ACSBG2: variants seen among roughly 807,000 people sequenced by gnomAD.
ACSBG2 encodes the protein acyl-CoA synthetase bubblegum family member 2.
ACSBG2 carries 62 observed loss-of-function variants against 74.7 expected under a neutral mutation model. The observed-to-expected ratio is 0.83, with a 90% CI of 0.68 to 1.03. The LOEUF (loss-of-function observed/expected upper bound fraction) is 1.03, where lower values mean the gene tolerates loss of function less well. Ranked by LOEUF, ACSBG2 falls within the 50% of genes least tolerant of loss-of-function variation. The pLI is 0.00. For missense variants in ACSBG2, 730 were observed against 817.6 expected, an observed-to-expected ratio of 0.89 and a Z score of 1.31; for synonymous variants, 309 against 294.1, an observed-to-expected ratio of 1.05 and a Z score of -0.52.
chr19:6,185,755 C>A, intron 11 of ACSBG2, 102 bp downstream of exon 11: 1 of 1,210,246 alleles, frequency 8.3e-7, no homozygotes, highest in South Asian at 1.4e-5. Flanking sequence ...AGTTCCTCAC[C>A]TTCCAAGAGG....
At chr19:6,137,053 A>C (rs1261971970) in intron 1 of ACSBG2, among the ~76,000 whole-genome samples, 1 of 152,120 alleles carries the variant, frequency 6.6e-6, no homozygotes, top group East Asian at 1.9e-4. Flanking sequence ...TTAAATCCAG[A>C]GTTCTTTTCA....
intron 7 of ACSBG2, among the ~76,000 whole-genome samples, chr19:6,173,450 C>T (rs2090014230): frequency 6.6e-6 from 1 of 152,124 alleles, no homozygotes; most frequent in African/African-American, 2.4e-5. Context: ...ATGGTGTTGG[C>T]CTGGGTTGCA....
chr19:6,141,504 G>T lies in ACSBG2; in HGVS notation c.-31-9G>T. ...ATCCTGTTAAACTCCCTGCTTTTTT[G>T]CTTTGCAGTGCTGTGGAGCATGGTT... is the stretch of plus-strand genomic sequence containing the variant. On this transcript the variant is annotated splice_polypyrimidine_tract_variant and intron_variant, in intron 1 of 14. Coordinates refer to ENST00000588485, the MANE Select transcript of ACSBG2 (RefSeq NM_030924.5). The T allele has an allele frequency of 7.1e-7, 1 of 1,416,086 alleles. No individual in the cohort carries two copies. Among genetic ancestry groups the T allele is most frequent in the Admixed American group, 1.7e-5 (1 of 57,214 alleles). The allele number at this position is 1,416,086 out of a possible 1,614,324, so 87.7% of individuals were successfully genotyped here. A position where few individuals can be genotyped will look rare whatever the true frequency, so the allele number is the denominator to read the frequency against.
In ACSBG2 at chr19:6,180,673, GA is replaced by G. The variant is rs1282841526; in HGVS notation, c.907-2075del. On this transcript the variant is annotated intron_variant, in intron 8 of 14. Transcript: ENST00000588485. This position sits in a 1 kb window ranked among gnomAD's most constrained non-coding sequence, Gnocchi z 4.3. ...ATTGTTTTCTGAAGTACGTGCACCA[GA>G]AATGTGCGAAGGTTACAGTTTCTCT... Among the ~76,000 whole-genome samples, 1 of 152,156 alleles carries G rather than the reference GA, an allele frequency of 6.6e-6. No homozygotes were observed. The highest frequency in any genetic ancestry group is 2.4e-5 in the African/African-American group (1 of 41,428).
chr19:6,176,835 GTTTA>G (rs1449776378), intron 7 of ACSBG2, among the ~76,000 whole-genome samples: 1 of 152,076 alleles, frequency 6.6e-6, no homozygotes, highest in East Asian at 1.9e-4. Flanking sequence ...TACTTAATTA[GTTTA>G]TTTATTTAGC....
chr19:6,165,732 C>A, intron 6 of ACSBG2, 134 bp from the exon 7 acceptor site: 1 of 1,058,076 alleles, frequency 9.5e-7, no homozygotes, highest in Non-Finnish European at 1.3e-6. Context: ...GTAAGAGGTG[C>A]CAGGACTGGC....
intron 3 of ACSBG2, among the ~76,000 whole-genome samples, chr19:6,150,340 C>CAAAAA (rs780596761): frequency 4.4e-5 from 3 of 68,396 alleles, no homozygotes; most frequent in South Asian, 5.0e-4. Flanking sequence ...GGATATTTAA[C>CAAAAA]AAAAAAAAAA....
chr19:6,151,440 C>A (rs769339045), intron 3 of ACSBG2, among the ~76,000 whole-genome samples: 52 of 151,954 alleles, frequency 3.4e-4, no homozygotes, highest in African/African-American at 1.3e-3. Flanking sequence ...CCCAAGTAGC[C>A]GGGACGACAA....
At position 6,183,178 on chromosome 19, in the gene ACSBG2, C is replaced by A; in HGVS notation, c.1228C>A (p.Leu410Ile). The A allele has an allele frequency of 6.2e-7, 1 of 1,614,242 alleles. No homozygotes were observed. Among genetic ancestry groups the A allele is most frequent in the South Asian group, 1.1e-5 (1 of 91,090 alleles). The change falls in exon 10 of 15, where the codon CTA becomes ATA. Residue 410 changes from leucine to isoleucine, a missense_variant. Transcript: ENST00000588485. Reference sequence around the variant, plus strand: ...CAACCAAGAGACTGCCGAGTTCTTTCTAAGCTTGGACATACCTATAGGCGA... The same window carrying A: ...CAACCAAGAGACTGCCGAGTTCTTTATAAGCTTGGACATACCTATAGGCGA... ...PLNQETAEFF[L>I]SLDIPIGELY... is the part of the protein sequence containing the mutation.
chr19:6,188,557 G>A (rs918565594), intron 13 of ACSBG2, among the ~76,000 whole-genome samples: 1 of 152,194 alleles, frequency 6.6e-6, no homozygotes, highest in East Asian at 1.9e-4. Context: ...AGCCCAGGGA[G>A]GTCAAGGCTG....
At position 6,187,437 on chromosome 19, in the gene ACSBG2, C is replaced by A; in HGVS notation, c.1680+15C>A. On this transcript the variant is annotated intron_variant, in intron 12 of 14. Transcript: ENST00000588485. ...TGACGCTGAAGGTAACATGGGTTTG[C>A]TGTCATTGGGGGAAGTCTCTGCAGC... 1 of 1,613,760 alleles carries A rather than the reference C, an allele frequency of 6.2e-7. No individual in the cohort carries two copies. Among genetic ancestry groups the A allele is most frequent in the Non-Finnish European group, 8.5e-7 (1 of 1,179,794 alleles).
rs2090205262 is a variant in ACSBG2 at position 6,180,141 on chromosome 19, A to C, written c.907-2610A>C. 6.6e-6 allele frequency among the ~76,000 whole-genome samples: 1 copy of C among 151,910 alleles called. No homozygotes were observed. Among genetic ancestry groups the C allele is most frequent in the Non-Finnish European group, 1.5e-5 (1 of 67,990 alleles). Reference sequence around the variant, plus strand: ...CCTCTTATAAGGACCCTGTGATGACATTGGGCCACCCAGATCATCCAGGAT... The same window carrying C: ...CCTCTTATAAGGACCCTGTGATGACCTTGGGCCACCCAGATCATCCAGGAT... On this transcript the variant is annotated intron_variant, in intron 8 of 14. Coordinates refer to ENST00000588485, the MANE Select transcript of ACSBG2 (RefSeq NM_030924.5). The surrounding 1 kb of genome is among the most constrained non-coding windows in gnomAD (Gnocchi z 4.3).
At chr19:6,164,026 AC>A (rs1158931678) in intron 6 of ACSBG2, among the ~76,000 whole-genome samples, 3 of 152,204 alleles carry the variant, frequency 2.0e-5, no homozygotes, top group Admixed American at 6.5e-5. Flanking sequence ...GAGAAAGTGG[AC>A]TGTGACATTT....
intron 14 of ACSBG2, 120 bp downstream of exon 14, chr19:6,190,812 TACACACACACACACACACACAC>T (rs58730661): frequency 1.2e-5 from 4 of 335,284 alleles, no homozygotes; most frequent in South Asian, 2.9e-5. Context: ...CACACATACA[TACACACACACACACACACACAC>T]ACACACACAC....
intron 7 of ACSBG2, chr19:6,175,976 T>C: frequency 5.5e-6 from 1 of 182,696 alleles, no homozygotes; most frequent in Admixed American, 6.2e-5. Context: ...AACAGTGGAG[T>C]CAGGGTTTGA....
chr19:6,140,692 G>C (rs1186149221), intron 1 of ACSBG2, among the ~76,000 whole-genome samples: 1 of 152,088 alleles, frequency 6.6e-6, no homozygotes, highest in Non-Finnish European at 1.5e-5. Flanking sequence ...GTGATCTTAA[G>C]TCTGATTACT....
At chr19:6,189,101 G>A (rs75351061) in intron 13 of ACSBG2, among the ~76,000 whole-genome samples, 9,428 of 152,144 alleles carry the variant, frequency 0.062, 827 homozygotes, top group African/African-American at 0.2. Flanking sequence ...TGAGTGTGCT[G>A]TAAGTGTGGC....
intron 2 of ACSBG2, among the ~76,000 whole-genome samples, chr19:6,146,689 C>T (rs1025224911): frequency 3.3e-5 from 5 of 151,736 alleles, no homozygotes; most frequent in Admixed American, 6.6e-5. Context: ...CGCTTGAACC[C>T]GGGAGGCGGA....
chr19:6,181,363 A>T lies in ACSBG2; in HGVS notation c.907-1388A>T, dbSNP rs897168260. Among the ~76,000 whole-genome samples, 16 of 151,924 alleles carry T rather than the reference A, an allele frequency of 1.1e-4. No homozygotes were observed. The East Asian group carries it at 3.1e-3, about 29-fold the overall frequency. On this transcript the variant is annotated intron_variant, in intron 8 of 14. Coordinates refer to ENST00000588485, the MANE Select transcript of ACSBG2 (RefSeq NM_030924.5). Reference sequence around the variant, plus strand: ...AAGGAAGGAAGGAAGAAAGAAAAAGAAAGAAAGGAGAAAGGAAAAAAATTA... The same window carrying T: ...AAGGAAGGAAGGAAGAAAGAAAAAGTAAGAAAGGAGAAAGGAAAAAAATTA...
Sources: gnomAD v4.1 joint callset for allele counts (sites outside exome capture counted in the v4.1 genomes callset) on GRCh38, gnomAD v4.1.1 for gene constraint, Gnocchi (gnomAD v3.1) non-coding constraint, MANE v1.5 for transcripts, NCBI Gene and HGNC (gene_info 2026-07-23, HGNC 2026-07-21) for gene names.